ZNF407: variants seen among roughly 807,000 people sequenced by gnomAD.
ZNF407 encodes the protein zinc finger protein 407.
ZNF407 carries 17 observed loss-of-function variants against 131.2 expected under a neutral mutation model. The observed-to-expected ratio is 0.13, with a 90% confidence interval of 0.09 to 0.19. The LOEUF (loss-of-function observed/expected upper bound fraction) is 0.19, where lower values mean the gene tolerates loss of function less well. Ranked by LOEUF, ZNF407 falls within the 10% of genes least tolerant of loss-of-function variation. The probability of loss-of-function intolerance (pLI) is 1.00; values close to 1 mark genes in which losing one functional copy is unlikely to be tolerated. For synonymous variants in ZNF407, 1,156 were observed against 1,062.0 expected (o/e 1.09, Z -1.72); for missense variants, 2,681 against 2,830.6 (o/e 0.95, Z 1.20).
intron 7 of ZNF407, among the ~76,000 whole-genome samples, chr18:74,917,058 C>A (rs537451417): frequency 6.6e-6 from 1 of 151,972 alleles, no homozygotes; most frequent in Non-Finnish European, 1.5e-5. Flanking sequence ...CACGAGAGTT[C>A]TTTTTTGTTT....
At chr18:75,003,890 A>G (rs1323373210) in intron 8 of ZNF407, among the ~76,000 whole-genome samples, 1 of 152,164 alleles carries the variant, frequency 6.6e-6, no homozygotes, top group African/African-American at 2.4e-5. Flanking sequence ...ACACTTACAC[A>G]CTATTCCAGC....
intron 4 of ZNF407, among the ~76,000 whole-genome samples, chr18:74,872,478 TA>T: frequency 6.6e-6 from 1 of 152,086 alleles, no homozygotes; most frequent in Non-Finnish European, 1.5e-5. Flanking sequence ...ATGGGGGAGA[TA>T]TTTTTTGGGC....
chr18:74,889,629 C>T lies in ZNF407; in HGVS notation c.5129-289C>T, dbSNP rs528647386. ...ATGGTTTATTAAACCATTCTAAATA[C>T]AGTGCTGAACCATCCCTAGAATTTA... On this transcript the variant is annotated intron_variant, in intron 6 of 8. Transcript: ENST00000299687. Among the ~76,000 whole-genome samples the T allele has an allele frequency of 2.0e-4, 31 of 152,230 alleles. No homozygotes were observed. The East Asian group carries it at 3.9e-3, about 19-fold the overall frequency.
At chr18:74,788,578 A>C (rs1310835456) in intron 4 of ZNF407, among the ~76,000 whole-genome samples, 2 of 151,540 alleles carry the variant, frequency 1.3e-5, no homozygotes, top group African/African-American at 2.4e-5. Flanking sequence ...AGCTGTATAA[A>C]AAATACTGTT....
intron 3 of ZNF407, among the ~76,000 whole-genome samples, chr18:74,683,000 T>C (rs1271013758): frequency 6.6e-6 from 1 of 152,212 alleles, no homozygotes; most frequent in East Asian, 1.9e-4. Flanking sequence ...GGCTCTAACA[T>C]TTGCTTCTGC....
At chr18:74,834,047 G>T (rs1163162458) in intron 4 of ZNF407, among the ~76,000 whole-genome samples, 5 of 152,134 alleles carry the variant, frequency 3.3e-5, no homozygotes, top group Non-Finnish European at 7.4e-5. Flanking sequence ...ACTTTGCATA[G>T]AATTAAATCC....
At chr18:74,765,604 C>A (rs1431401210) in intron 3 of ZNF407, among the ~76,000 whole-genome samples, 2 of 152,082 alleles carry the variant, frequency 1.3e-5, no homozygotes, top group Non-Finnish European at 2.9e-5. Context: ...CTATTTTTTT[C>A]TTTCTGTGTT....
chr18:74,640,442 C>G (rs1984660554), intron 2 of ZNF407, among the ~76,000 whole-genome samples: 1 of 151,934 alleles, frequency 6.6e-6, no homozygotes, highest in Non-Finnish European at 1.5e-5. Context: ...AATTTATCTA[C>G]TGTATATTTA....
chr18:74,939,875 G>A (rs1972077707), intron 8 of ZNF407, among the ~76,000 whole-genome samples: 2 of 152,176 alleles, frequency 1.3e-5, no homozygotes, highest in Non-Finnish European at 2.9e-5. Context: ...GTCTTATGAT[G>A]AGATAAACCC....
intron 3 of ZNF407, among the ~76,000 whole-genome samples, chr18:74,706,854 G>C (rs546952715): frequency 2.0e-5 from 3 of 151,854 alleles, no homozygotes; most frequent in African/African-American, 7.3e-5. Context: ...GTGCTCATCA[G>C]CTCTTCCCAT....
chr18:75,002,575 G>T (rs938749766), intron 8 of ZNF407, among the ~76,000 whole-genome samples: 5 of 152,134 alleles, frequency 3.3e-5, no homozygotes, highest in African/African-American at 1.2e-4. Context: ...GGACAAGGCG[G>T]GTGGATCACG....
chr18:75,019,778 A>G (rs1404573025), intron 8 of ZNF407, among the ~76,000 whole-genome samples: 1 of 152,144 alleles, frequency 6.6e-6, no homozygotes, highest in Non-Finnish European at 1.5e-5. Context: ...GGAAACTTAC[A>G]ATCATGGTGA....
intron 8 of ZNF407, among the ~76,000 whole-genome samples, chr18:75,030,804 A>G (rs548692406): frequency 1.3e-4 from 20 of 152,098 alleles, no homozygotes; most frequent in African/African-American, 4.8e-4. Context: ...CCCAGCCCCC[A>G]CCCTGCTGCT....
rs2298618 is a variant in ZNF407 at position 74,636,237 on chromosome 18, T to C, written c.4687+531T>C. ...ACCACTTTCCAAAGTTAACATGTGC[T>C]GGGGATCTGGTGTTCCTGGAGGTAG... is the stretch of plus-strand genomic sequence containing the variant. On this transcript the variant is annotated intron_variant, in intron 2 of 8. Coordinates refer to ENST00000299687, the MANE Select transcript of ZNF407 (RefSeq NM_017757.3). 6.3e-4 allele frequency among the ~76,000 whole-genome samples: 96 copies of C among 152,348 alleles called. 1 individual carries two copies. In the East Asian group the frequency reaches 0.01, roughly 17 times the overall value.
At chr18:74,809,798 G>T (rs190641033) in intron 4 of ZNF407, among the ~76,000 whole-genome samples, 31 of 152,296 alleles carry the variant, frequency 2.0e-4, no homozygotes, top group Admixed American at 3.9e-4. Context: ...CTGGAAGGTC[G>T]TAGCATGGAG....
intron 8 of ZNF407, among the ~76,000 whole-genome samples, chr18:74,950,989 T>G (rs1366731086): frequency 6.6e-6 from 1 of 152,084 alleles, no homozygotes; most frequent in Admixed American, 6.5e-5. Flanking sequence ...TTTAATATTT[T>G]CAGATGCAAC....
intron 1 of ZNF407, among the ~76,000 whole-genome samples, chr18:74,610,054 A>G (rs1343912467): frequency 6.6e-6 from 1 of 152,240 alleles, no homozygotes; most frequent in African/African-American, 2.4e-5. Flanking sequence ...TATTGGATAT[A>G]TCCTTCACAG....
chr18:74,885,258 GTTT>G (rs1310444634), intron 6 of ZNF407, among the ~76,000 whole-genome samples: 2 of 152,082 alleles, frequency 1.3e-5, no homozygotes, highest in Non-Finnish European at 1.5e-5. Context: ...TTTGTCAATT[GTTT>G]TTAAATAAGA....
chr18:74,785,879 GGCACGCACATGGCACT>G (rs1969699533), intron 4 of ZNF407, among the ~76,000 whole-genome samples: 2 of 21,818 alleles, frequency 9.2e-5, no homozygotes, highest in Non-Finnish European at 1.8e-4. Context: ...TCACTCACAT[GGCACGCACATGGCACT>G]CACATGGGAC....
Sources: gnomAD v4.1 joint callset for allele counts (sites outside exome capture counted in the v4.1 genomes callset) on GRCh38, gnomAD v4.1.1 for gene constraint, MANE v1.5 for transcripts, NCBI Gene and HGNC (gene_info 2026-07-23, HGNC 2026-07-21) for gene names.